NLGN1: variants seen among roughly 807,000 people sequenced by gnomAD.
The protein encoded by NLGN1 is neuroligin-1.
In NLGN1, 12 loss-of-function variants were observed where a neutral mutation model predicts 65.5. The ratio of observed to expected loss-of-function variants is 0.18; its 90% CI spans 0.12 to 0.30. The LOEUF (loss-of-function observed/expected upper bound fraction) is 0.30, where lower values mean the gene tolerates loss of function less well. Among genes scored for constraint, NLGN1 ranks in the 10% least tolerant of loss-of-function variants. The pLI is 1.00. For missense variants in NLGN1, 750 were observed against 1,007.1 expected (o/e 0.74, Z 3.46); for synonymous variants, 350 against 359.5 (o/e 0.97, Z 0.30).
At chr3:173,903,932 C>T (rs1277726408) in intron 4 of NLGN1, among the ~76,000 whole-genome samples, 4 of 152,096 alleles carry the variant, frequency 2.6e-5, no homozygotes, top group African/African-American at 9.7e-5. Context: ...TTTTCCCCAG[C>T]ACAGACTCAG....
chr3:174,255,435 C>CAAAAAAAA lies in NLGN1; in HGVS notation c.647-19866_647-19859dup, dbSNP rs71162383. Among the ~76,000 whole-genome samples, 623 of 70,220 alleles carry CAAAAAAAA rather than the reference C, an allele frequency of 8.9e-3. 27 individuals are homozygous for CAAAAAAAA. The highest frequency in any genetic ancestry group is 0.014 in the East Asian group (32 of 2,240). 46.1% of individuals were successfully genotyped at this position (70,220 alleles called of 152,430 possible). A position where few individuals can be genotyped will look rare whatever the true frequency, so the allele number is the denominator to read the frequency against. On this transcript the variant is annotated intron_variant, in intron 4 of 6. Transcript: ENST00000457714. The stretch of plus-strand genomic sequence containing the variant: ...TAGGCGATAGAGCAAGACTCTGTCT[C>CAAAAAAAA]AAAAAAAAAAAAAAAAAAAAAGCGC...
chr3:173,604,823 G>T (rs1021469652), exon 3 of NLGN1: 3 of 1,613,670 alleles, frequency 1.9e-6, no homozygotes, highest in South Asian at 1.1e-5. Flanking sequence ...AAATTTTGGG[G>T]CCTGTTATTC....
intron 3 of NLGN1, among the ~76,000 whole-genome samples, chr3:173,746,976 T>G (rs1283907997): frequency 1.3e-5 from 2 of 151,614 alleles, no homozygotes; most frequent in Admixed American, 1.3e-4. Flanking sequence ...GGAGAATAGC[T>G]TGAACCCAAG....
Position 173,963,598 on chromosome 3 carries a change from AG to A in NLGN1, c.646+155768del, listed in dbSNP as rs1173604891. ...AAGCTTTGTGGACTGAGAAGAAAAA[AG>A]GACAAAGGATATGATTTGTGGAATT... On this transcript the variant is annotated intron_variant, in intron 4 of 6. Coordinates refer to ENST00000457714, the Ensembl canonical transcript of NLGN1. 7.9e-5 allele frequency among the ~76,000 whole-genome samples: 12 copies of A among 152,196 alleles called. No homozygotes were observed. The East Asian group carries it at 2.3e-3, about 29-fold the overall frequency.
At chr3:173,510,396 G>A (rs1011891015) in intron 2 of NLGN1, among the ~76,000 whole-genome samples, 1 of 152,202 alleles carries the variant, frequency 6.6e-6, no homozygotes, top group Non-Finnish European at 1.5e-5. Context: ...CCCAAATTGT[G>A]TAGTATCTTC....
intron 4 of NLGN1, among the ~76,000 whole-genome samples, chr3:174,144,141 T>A (rs917449433): frequency 1.3e-5 from 2 of 152,090 alleles, no homozygotes; most frequent in African/African-American, 4.8e-5. Context: ...GTTCAACTCC[T>A]ACTTATGAGT....
At chr3:173,774,477 T>G (rs891876218) in intron 3 of NLGN1, among the ~76,000 whole-genome samples, 2 of 152,266 alleles carry the variant, frequency 1.3e-5, no homozygotes, top group Admixed American at 1.3e-4. Flanking sequence ...CTCCTGTTAT[T>G]GGTCTGGCCA....
At chr3:173,539,475 G>T (rs936168929) in intron 2 of NLGN1, among the ~76,000 whole-genome samples, 1 of 141,636 alleles carries the variant, frequency 7.1e-6, no homozygotes, top group Admixed American at 7.2e-5. Flanking sequence ...ATGTATATAC[G>T]CATATGCATG....
chr3:174,125,441 G>A (rs1433006058), intron 4 of NLGN1, among the ~76,000 whole-genome samples: 1 of 152,102 alleles, frequency 6.6e-6, no homozygotes, highest in Admixed American at 6.6e-5. Flanking sequence ...TGTGTGGGCT[G>A]AACAACTAGC....
chr3:173,842,223 A>G (rs940989235), intron 4 of NLGN1, among the ~76,000 whole-genome samples: 11 of 152,196 alleles, frequency 7.2e-5, no homozygotes, highest in Non-Finnish European at 1.0e-4. Context: ...ACATAATTCA[A>G]TCACCTCCCA....
intron 3 of NLGN1, among the ~76,000 whole-genome samples, chr3:173,668,149 G>T (rs1339491713): frequency 1.3e-5 from 2 of 152,116 alleles, no homozygotes; most frequent in East Asian, 3.9e-4. Context: ...ATTGGCATTT[G>T]TCCAGATTAT....
At chr3:174,062,769 TC>T (rs1161841762) in intron 4 of NLGN1, among the ~76,000 whole-genome samples, 1 of 152,070 alleles carries the variant, frequency 6.6e-6, no homozygotes, top group Non-Finnish European at 1.5e-5. Context: ...AATACATTTT[TC>T]TTTTATCTCT....
rs75815771 is a variant in NLGN1 at position 174,204,728 on chromosome 3, G to A, written c.647-70587G>A. Among the ~76,000 whole-genome samples, 900 of 152,274 alleles carry A rather than the reference G, an allele frequency of 5.9e-3. 24 individuals carry two copies. The highest frequency in any genetic ancestry group is 0.029 in the East Asian group (151 of 5,182). On this transcript the variant is annotated intron_variant, in intron 4 of 6. Transcript: ENST00000457714. ...AGCTTCACAGATGAAAACTTTGATC[G>A]TTAACACGGATACTCTTTCATCTCT...
At chr3:173,782,895 A>G (rs1277131712) in intron 3 of NLGN1, among the ~76,000 whole-genome samples, 2 of 152,088 alleles carry the variant, frequency 1.3e-5, no homozygotes, top group African/African-American at 4.8e-5. Context: ...ATAAAAATAT[A>G]TATACTAATA....
rs1751277861 is a variant in NLGN1, at chr3:174,279,998, T to C, written c.1649+348T>C. On this transcript the variant is annotated intron_variant, in intron 6 of 6. Coordinates refer to ENST00000457714, the Ensembl canonical transcript of NLGN1. The surrounding 1 kb of genome is among the most constrained non-coding windows in gnomAD (Gnocchi z 4.7). ...ACTCTTTAATCCTTCCAACTACCTT[T>C]CTGAATCTCGCAGATCAGGTACTAT... is the stretch of plus-strand genomic sequence containing the variant. Among the ~76,000 whole-genome samples the C allele has an allele frequency of 6.6e-6, 1 of 151,980 alleles. No homozygotes were observed. Among genetic ancestry groups the C allele is most frequent in the Non-Finnish European group, 1.5e-5 (1 of 67,962 alleles).
In NLGN1 at chr3:174,193,436, G is replaced by C. The variant is rs535896482; in HGVS notation, c.647-81879G>C. Among the ~76,000 whole-genome samples the C allele has an allele frequency of 1.9e-3, 291 of 152,190 alleles. 1 individual carries two copies. In the Middle Eastern group the frequency reaches 0.024, roughly 12 times the overall value. ...TCTGGGAGTATTTGAATCCAAACAAGAAATAAATTACCTTAAACCAAAAAA... is the reference window on the plus strand; with the variant it reads ...TCTGGGAGTATTTGAATCCAAACAACAAATAAATTACCTTAAACCAAAAAA... On this transcript the variant is annotated intron_variant, in intron 4 of 6. Transcript: ENST00000457714.
intron 3 of NLGN1, among the ~76,000 whole-genome samples, chr3:173,743,470 C>T (rs1035280307): frequency 3.4e-4 from 52 of 152,216 alleles, no homozygotes; most frequent in African/African-American, 1.0e-3. Flanking sequence ...ACTTCAGTGT[C>T]ACTGTTAGTG....
chr3:173,922,866 T>A (rs1742307868), intron 4 of NLGN1, among the ~76,000 whole-genome samples: 1 of 152,146 alleles, frequency 6.6e-6, no homozygotes, highest in Non-Finnish European at 1.5e-5. Flanking sequence ...AGCAATTCCA[T>A]TAAACTCTTT....
At chr3:173,703,322 G>C (rs1767542932) in intron 3 of NLGN1, among the ~76,000 whole-genome samples, 1 of 152,092 alleles carries the variant, frequency 6.6e-6, no homozygotes, top group Non-Finnish European at 1.5e-5. Flanking sequence ...TTGTTTCCTA[G>C]ATCCTGATGG....
Sources: gnomAD v4.1 joint callset for allele counts (sites outside exome capture counted in the v4.1 genomes callset) on GRCh38, gnomAD v4.1.1 for gene constraint, Gnocchi (gnomAD v3.1) non-coding constraint, MANE v1.5 for transcripts, NCBI Gene and HGNC (gene_info 2026-07-23, HGNC 2026-07-21) for gene names.